Variants in TRPM3 observed in about 807,000 individuals in gnomAD.
The protein encoded by TRPM3 is long transient receptor potential channel 3.
TRPM3 carries 77 observed loss-of-function variants against 181.2 expected under a neutral mutation model. That is an observed-to-expected ratio of 0.42 (90% CI 0.35 to 0.51). TRPM3 has a LOEUF of 0.51. Ranked by LOEUF, TRPM3 falls within the 20% of genes least tolerant of loss-of-function variation. The pLI is 0.01. For missense variants in TRPM3, 1,759 were observed against 2,196.7 expected (o/e 0.80, Z 3.98); for synonymous variants, 745 against 796.4 (o/e 0.94, Z 1.09).
chr9:70,764,457 A>C (rs10868883), intron 7 of TRPM3, among the ~76,000 whole-genome samples: 1 of 152,054 alleles, frequency 6.6e-6, no homozygotes, highest in African/African-American at 2.4e-5. Flanking sequence ...CCCCAAGGTC[A>C]TTATCTGCAT....
intron 22 of TRPM3, among the ~76,000 whole-genome samples, chr9:70,576,096 T>C (rs573361025): frequency 1.8e-4 from 28 of 152,320 alleles, no homozygotes; most frequent in African/African-American, 5.5e-4. Flanking sequence ...CATTTTGACA[T>C]ACTTGTAGAG....
chr9:71,367,175 A>G (rs2092362234), intron 1 of TRPM3, among the ~76,000 whole-genome samples: 1 of 152,194 alleles, frequency 6.6e-6, no homozygotes, highest in African/African-American at 2.4e-5. Context: ...GCAATGCTTT[A>G]CCCCAAGCTA....
intron 1 of TRPM3, among the ~76,000 whole-genome samples, chr9:71,298,874 G>A (rs2086529759): frequency 6.6e-6 from 1 of 151,874 alleles, no homozygotes; most frequent in African/African-American, 2.4e-5. Flanking sequence ...ACTAACATGG[G>A]AATAAGAACC....
At chr9:71,001,665 C>G (rs960767995) in intron 1 of TRPM3, among the ~76,000 whole-genome samples, 1 of 152,186 alleles carries the variant, frequency 6.6e-6, no homozygotes, top group Non-Finnish European at 1.5e-5. Context: ...AAAAATGAGC[C>G]TTTCTGATGT....
At chr9:70,767,390 A>AGAG (rs1316233430) in intron 7 of TRPM3, among the ~76,000 whole-genome samples, 2 of 152,218 alleles carry the variant, frequency 1.3e-5, no homozygotes, top group Non-Finnish European at 2.9e-5. Context: ...AGTTAAATAT[A>AGAG]GAGATATAAA....
intron 12 of TRPM3, among the ~76,000 whole-genome samples, chr9:70,634,724 A>T (rs1356640790): frequency 1.3e-5 from 2 of 152,142 alleles, no homozygotes; most frequent in African/African-American, 4.8e-5. Flanking sequence ...TCTGGAAAAA[A>T]TAGAATGTTA....
intron 1 of TRPM3, among the ~76,000 whole-genome samples, chr9:71,365,051 A>G (rs1395929401): frequency 6.6e-6 from 1 of 152,196 alleles, no homozygotes; most frequent in African/African-American, 2.4e-5. Context: ...AAGGGAAAAA[A>G]GGACAAAGAA....
At chr9:71,142,403 G>T (rs1181057364) in intron 1 of TRPM3, among the ~76,000 whole-genome samples, 1 of 152,012 alleles carries the variant, frequency 6.6e-6, no homozygotes, top group East Asian at 1.9e-4. Flanking sequence ...AGGAAAGTAG[G>T]GAATTGAGAC....
chr9:70,541,141 C>G (rs1400392211), intron 25 of TRPM3, among the ~76,000 whole-genome samples: 4 of 152,096 alleles, frequency 2.6e-5, no homozygotes, highest in African/African-American at 9.7e-5. Flanking sequence ...GAGGAAGAGT[C>G]TCTTCAGGGA....
chr9:70,806,421 G>A (rs1024857436), intron 6 of TRPM3, among the ~76,000 whole-genome samples: 5 of 152,138 alleles, frequency 3.3e-5, no homozygotes, highest in South Asian at 2.1e-4. Context: ...TGGCCGGGAC[G>A]GTGGCTCACG....
At chr9:71,078,076 C>T (rs1565144173) in intron 1 of TRPM3, among the ~76,000 whole-genome samples, 1 of 151,860 alleles carries the variant, frequency 6.6e-6, no homozygotes, top group Non-Finnish European at 1.5e-5. Context: ...TATATGTGCG[C>T]TTGTGGGCAA....
chr9:71,007,073 A>AAC (rs2097686448), intron 1 of TRPM3, among the ~76,000 whole-genome samples: 1 of 140,970 alleles, frequency 7.1e-6, no homozygotes, highest in Non-Finnish European at 1.5e-5. Flanking sequence ...AGAAAGAAAA[A>AAC]AAAGACTAAG....
At chr9:70,660,198 C>G (rs2060927132) in intron 9 of TRPM3, among the ~76,000 whole-genome samples, 1 of 152,064 alleles carries the variant, frequency 6.6e-6, no homozygotes, top group Admixed American at 6.6e-5. Flanking sequence ...GAAAATCAGT[C>G]TTGGGGCCTC....
intron 1 of TRPM3, among the ~76,000 whole-genome samples, chr9:70,959,016 A>AG (rs2097109074): frequency 9.4e-6 from 1 of 106,634 alleles, no homozygotes; most frequent in African/African-American, 3.8e-5. Flanking sequence ...GGGTCGGAGG[A>AG]GGGGGAGGGA....
intron 1 of TRPM3, among the ~76,000 whole-genome samples, chr9:71,158,281 C>T (rs1037874139): frequency 6.6e-6 from 1 of 152,068 alleles, no homozygotes; most frequent in Admixed American, 6.6e-5. Context: ...GAAGTAAAAG[C>T]TCAAAACTGA....
At chr9:71,092,041 G>A (rs1166751162) in intron 1 of TRPM3, among the ~76,000 whole-genome samples, 2 of 152,144 alleles carry the variant, frequency 1.3e-5, no homozygotes, top group African/African-American at 4.8e-5. Flanking sequence ...CATCGGTTTA[G>A]TAGTTTTCAT....
chr9:71,062,199 C>T (rs918692989), intron 1 of TRPM3, among the ~76,000 whole-genome samples: 2 of 152,060 alleles, frequency 1.3e-5, no homozygotes, highest in South Asian at 4.1e-4. Context: ...ATGCTACTTC[C>T]CTAGATTTTC....
intron 1 of TRPM3, among the ~76,000 whole-genome samples, chr9:70,989,027 C>T (rs952641800): frequency 6.6e-6 from 1 of 152,160 alleles, no homozygotes; most frequent in Admixed American, 6.5e-5. Flanking sequence ...ATACCCTGAG[C>T]AGAACCCAAT....
At chr9:70,636,968 C>T (rs546482128) in intron 11 of TRPM3, among the ~76,000 whole-genome samples, 4 of 152,224 alleles carry the variant, frequency 2.6e-5, no homozygotes, top group African/African-American at 7.2e-5. Context: ...GAGGCCACTG[C>T]GCCCAACCAA....
Sources: gnomAD v4.1 joint callset for allele counts (sites outside exome capture counted in the v4.1 genomes callset) on GRCh38, gnomAD v4.1.1 for gene constraint, MANE v1.5 for transcripts, NCBI Gene and HGNC (gene_info 2026-07-23, HGNC 2026-07-21) for gene names.